Variants in DNAH11 observed in about 807,000 individuals in gnomAD.
DNAH11 encodes axonemal beta dynein heavy chain 11.
A neutral mutation model predicts 526.0 loss-of-function variants in DNAH11; 442 were observed. The observed-to-expected ratio is 0.84, with a 90% CI of 0.78 to 0.91. The LOEUF (loss-of-function observed/expected upper bound fraction) is 0.91, where lower values mean the gene tolerates loss of function less well. DNAH11 is among the 40% of genes least tolerant of loss of function. The pLI is 0.00. For synonymous variants in DNAH11, 2,461 were observed against 1,935.9 expected (o/e 1.27, Z -7.12); for missense variants, 6,989 against 5,448.7 (o/e 1.28, Z -8.90).
intron 63 of DNAH11, among the ~76,000 whole-genome samples, chr7:21,810,234 G>C (rs1198664544): frequency 1.3e-5 from 2 of 152,140 alleles, no homozygotes; most frequent in Non-Finnish European, 2.9e-5. Context: ...GATACTCCTT[G>C]TACAAATGAG....
At chr7:21,622,143 A>G (rs1351349327) in intron 25 of DNAH11, among the ~76,000 whole-genome samples, 3 of 152,172 alleles carry the variant, frequency 2.0e-5, no homozygotes, top group African/African-American at 7.2e-5. Context: ...AAATCAACGT[A>G]CAAAAATCAC....
At chr7:21,733,139 C>A (rs565657448) in intron 45 of DNAH11, among the ~76,000 whole-genome samples, 25 of 152,156 alleles carry the variant, frequency 1.6e-4, no homozygotes, top group African/African-American at 4.6e-4. Flanking sequence ...GTAATTGCAG[C>A]GCTTTGGGAG....
At chr7:21,757,154 G>A (rs776969309) in intron 54 of DNAH11, among the ~76,000 whole-genome samples, 14 of 152,144 alleles carry the variant, frequency 9.2e-5, no homozygotes, top group African/African-American at 1.9e-4. Context: ...AGTTTGCTGC[G>A]TAGACAGATC....
intron 2 of DNAH11, among the ~76,000 whole-genome samples, chr7:21,556,860 G>C (rs1404713653): frequency 6.6e-6 from 1 of 152,106 alleles, no homozygotes; most frequent in Admixed American, 6.6e-5. Flanking sequence ...CCAGGAGTTT[G>C]AAACCAGCCT....
At chr7:21,681,365 T>G (rs935476038) in intron 30 of DNAH11, among the ~76,000 whole-genome samples, 181 bp from the exon 31 acceptor site, 8 of 151,928 alleles carry the variant, frequency 5.3e-5, no homozygotes, top group Non-Finnish European at 1.0e-4. Context: ...ACGCAGAGGT[T>G]GCAGTGAGCA....
In DNAH11 at chr7:21,748,613, G is replaced by C; in HGVS notation, c.8544G>C (p.Gln2848His). ...CRISRILRTPQGCALLVGVGG... is the reference protein window; with the variant it reads ...CRISRILRTPHGCALLVGVGG... ...TCAGCCGGATCTTACGAACCCCTCA[G>C]GGCTGTGCTCTCTTGGTTGGAGTTG... Residue 2848 changes from glutamine to histidine, a missense_variant, in exon 52 of 82, where the codon CAG becomes CAC. By Grantham distance (24) the Gln-to-His change is conservative (BLOSUM62 0). Transcript: ENST00000409508. 1 of 1,609,744 alleles carries C rather than the reference G, an allele frequency of 6.2e-7. No individual in the cohort carries two copies. Among genetic ancestry groups the C allele is most frequent in the Non-Finnish European group, 8.5e-7 (1 of 1,177,534 alleles).
intron 30 of DNAH11, among the ~76,000 whole-genome samples, chr7:21,673,460 G>A (rs549632477): frequency 1.9e-4 from 29 of 152,252 alleles, no homozygotes; most frequent in African/African-American, 6.7e-4. Context: ...TCATCAAAGA[G>A]GAACTAGAGC....
At chr7:21,592,738 G>A (rs1432457276) in intron 14 of DNAH11, among the ~76,000 whole-genome samples, 1 of 152,202 alleles carries the variant, frequency 6.6e-6, no homozygotes. Flanking sequence ...ATATTTTGAT[G>A]GCAGAGCCAG....
intron 45 of DNAH11, among the ~76,000 whole-genome samples, chr7:21,728,394 A>T (rs1000744744): frequency 6.6e-6 from 1 of 151,468 alleles, no homozygotes; most frequent in Non-Finnish European, 1.5e-5. Flanking sequence ...AGTAGATGGG[A>T]CTACAGGCAA....
At chr7:21,839,574 C>CAA (rs112866262) in intron 65 of DNAH11, among the ~76,000 whole-genome samples, 10,992 of 132,674 alleles carry the variant, frequency 0.083, 1,409 homozygotes, top group African/African-American at 0.28. Context: ...GACTCCGTTT[C>CAA]AAAAAAAAAA....
At position 21,795,838 on chromosome 7, in the gene DNAH11, C is replaced by T. The variant is rs150551213; in HGVS notation, c.10027-5299C>T. 6.7e-3 allele frequency among the ~76,000 whole-genome samples: 1,026 copies of T among 152,246 alleles called. 4 individuals carry two copies. Among genetic ancestry groups the T allele is most frequent in the Non-Finnish European group, 0.01 (690 of 68,020 alleles). On this transcript the variant is annotated intron_variant, in intron 61 of 81. Coordinates refer to ENST00000409508, the MANE Select transcript of DNAH11 (RefSeq NM_001277115.2). ...AAGAATGGAGTTGGTCAGTTCTGCA[C>T]GTGAGGATGGGGTTGGGTGCTCAGG...
chr7:21,674,346 G>A (rs952127202), intron 30 of DNAH11, among the ~76,000 whole-genome samples: 1 of 151,920 alleles, frequency 6.6e-6, no homozygotes, highest in East Asian at 1.9e-4. Context: ...GTGAGCCACT[G>A]CGCCTGGTCT....
chr7:21,642,247 A>G (rs750812858), intron 28 of DNAH11, among the ~76,000 whole-genome samples: 1 of 135,170 alleles, frequency 7.4e-6, no homozygotes, highest in East Asian at 2.2e-4. Context: ...ACTGTTACTA[A>G]AGGTCTATCA....
intron 25 of DNAH11, among the ~76,000 whole-genome samples, chr7:21,631,635 ATCT>A: frequency 6.6e-6 from 1 of 152,302 alleles, no homozygotes; most frequent in East Asian, 1.9e-4. Context: ...CTCCAGAATG[ATCT>A]TCTTTGACTC....
At chr7:21,794,093 A>G (rs1276928442) in intron 61 of DNAH11, among the ~76,000 whole-genome samples, 1 of 152,310 alleles carries the variant, frequency 6.6e-6, no homozygotes, top group South Asian at 2.1e-4. Context: ...TCTCAGTTCC[A>G]GGATTTTTAA....
chr7:21,602,723 C>G (rs529325419), intron 18 of DNAH11, among the ~76,000 whole-genome samples: 145 of 152,198 alleles, frequency 9.5e-4, no homozygotes, highest in African/African-American at 3.3e-3. Context: ...GATTTGTTTT[C>G]AAGTACTGTA....
At chr7:21,872,138 A>AAAACACAAACAAAC (rs1554291070) in intron 73 of DNAH11, among the ~76,000 whole-genome samples, 1 of 128,914 alleles carries the variant, frequency 7.8e-6, no homozygotes, top group African/African-American at 3.4e-5. Flanking sequence ...AAAAAAAAAA[A>AAAACACAAACAAAC]AAAAAAAAAA....
intron 43 of DNAH11, among the ~76,000 whole-genome samples, chr7:21,719,025 G>T (rs1010143821): frequency 2.0e-5 from 3 of 152,082 alleles, no homozygotes; most frequent in African/African-American, 4.8e-5. Context: ...AAGCATTATC[G>T]TGTTCTTTCT....
At chr7:21,667,369 G>A (rs895487836) in intron 30 of DNAH11, among the ~76,000 whole-genome samples, 3 of 152,112 alleles carry the variant, frequency 2.0e-5, no homozygotes, top group African/African-American at 4.8e-5. Flanking sequence ...GGGCCATATA[G>A]TCTCTTCTGC....
Sources: allele counts gnomAD v4.1 joint callset (sites outside exome capture counted in the v4.1 genomes callset), GRCh38; gene constraint gnomAD v4.1.1; transcripts MANE v1.5; gene names NCBI Gene and HGNC (gene_info 2026-07-23, HGNC 2026-07-21).